The following CD99L2 variants were observed in gnomAD, a reference collection of about 807,000 sequenced individuals.
The protein encoded by CD99L2 is CD99 molecule like 2, also known as CD99 antigen-like protein 2.
CD99L2 carries 24 observed loss-of-function variants against 27.3 expected under a neutral mutation model. That is an observed-to-expected ratio of 0.88 (90% CI 0.64 to 1.24). The LOEUF (loss-of-function observed/expected upper bound fraction) is 1.24. Among genes scored for constraint, CD99L2 ranks in the 50% most tolerant of loss-of-function variants. CD99L2 has a pLI of 0.00. For synonymous variants in CD99L2, 97 were observed against 87.9 expected, an observed-to-expected ratio of 1.10 and a Z score of -0.58; for missense variants, 255 against 221.6, an observed-to-expected ratio of 1.15 and a Z score of -0.96.
At chrX:150,849,710 G>A (rs782183303) in intron 1 of CD99L2, among the ~76,000 whole-genome samples, 18 of 111,133 alleles carry the variant, frequency 1.6e-4, no homozygotes, top group Non-Finnish European at 2.3e-4. Context: ...ACAAAACACA[G>A]AATGAGCTAG....
At chrX:150,857,969 T>C (rs2046919146) in intron 1 of CD99L2, among the ~76,000 whole-genome samples, 1 of 111,900 alleles carries the variant, frequency 8.9e-6, no homozygotes, top group Admixed American at 9.5e-5. Flanking sequence ...TAAAGATACA[T>C]ATAGACTGAA....
chrX:150,820,277 A>G (rs2046225854), intron 2 of CD99L2, among the ~76,000 whole-genome samples: 1 of 110,667 alleles, frequency 9.0e-6, no homozygotes, highest in Non-Finnish European at 1.9e-5. Context: ...AAAAAAAAAA[A>G]AGATTACCTC....
At chrX:150,791,751 G>C (rs1470878319) in intron 7 of CD99L2, among the ~76,000 whole-genome samples, 2 of 110,593 alleles carry the variant, frequency 1.8e-5, no homozygotes, top group African/African-American at 6.6e-5. Flanking sequence ...GGAGGAGGAG[G>C]GCTTATAGGC....
chrX:150,791,881 CAAAT>C (rs1172398551), intron 7 of CD99L2, among the ~76,000 whole-genome samples: 2 of 111,721 alleles, frequency 1.8e-5, no homozygotes, highest in Non-Finnish European at 3.8e-5. Flanking sequence ...AAATCCATAA[CAAAT>C]AATGTATTGT....
chrX:150,803,293 CAATT>C (rs2045947506), intron 4 of CD99L2, among the ~76,000 whole-genome samples: 1 of 111,928 alleles, frequency 8.9e-6, no homozygotes, highest in Non-Finnish European at 1.9e-5. Flanking sequence ...AGACATAAAT[CAATT>C]GAGAGACATA....
intron 1 of CD99L2, among the ~76,000 whole-genome samples, chrX:150,836,986 G>GCT (rs1215769112): frequency 8.9e-6 from 1 of 112,128 alleles, no homozygotes; most frequent in Non-Finnish European, 1.9e-5. Flanking sequence ...TAAACAGATA[G>GCT]CTATATACAG....
At chrX:150,870,562 T>C (rs1050555310) in intron 1 of CD99L2, among the ~76,000 whole-genome samples, 5 of 111,985 alleles carry the variant, frequency 4.5e-5, no homozygotes, top group Non-Finnish European at 9.4e-5. Flanking sequence ...GGTATCATAC[T>C]AATCAATGCA....
At chrX:150,830,027 C>T (rs1464365227) in intron 2 of CD99L2, among the ~76,000 whole-genome samples, 2 of 109,801 alleles carry the variant, frequency 1.8e-5, no homozygotes, top group Admixed American at 9.7e-5. Context: ...TGGCGGTACG[C>T]ACCTGTAGTC....
At chrX:150,859,583 C>T (rs2046944225) in intron 1 of CD99L2, among the ~76,000 whole-genome samples, 1 of 108,713 alleles carries the variant, frequency 9.2e-6, no homozygotes, top group Non-Finnish European at 1.9e-5. Flanking sequence ...CTACAATCTC[C>T]GCCTTCCAGG....
intron 1 of CD99L2, among the ~76,000 whole-genome samples, chrX:150,849,756 C>T: frequency 9.0e-6 from 1 of 111,596 alleles, no homozygotes; most frequent in East Asian, 2.8e-4. Context: ...CCATAACCTT[C>T]TGAAGCCAGC....
At chrX:150,822,061 G>A (rs1473991861) in intron 2 of CD99L2, among the ~76,000 whole-genome samples, 5 of 112,162 alleles carry the variant, frequency 4.5e-5, no homozygotes, top group Admixed American at 9.4e-5. Flanking sequence ...AAATAAGTAC[G>A]TGTATATAGC....
intron 2 of CD99L2, among the ~76,000 whole-genome samples, chrX:150,830,686 T>C (rs1557421037): frequency 8.9e-6 from 1 of 112,043 alleles, no homozygotes; most frequent in East Asian, 2.8e-4. Context: ...GTCACACCAG[T>C]AGGGGCTATG....
chrX:150,865,121 T>C (rs1445894105), intron 1 of CD99L2, among the ~76,000 whole-genome samples: 4 of 104,377 alleles, frequency 3.8e-5, no homozygotes, highest in Non-Finnish European at 7.9e-5. Flanking sequence ...CAGGAGAAAA[T>C]TGGGAGGAAA....
intron 1 of CD99L2, among the ~76,000 whole-genome samples, chrX:150,887,328 C>T (rs1192428536): frequency 9.2e-6 from 1 of 109,205 alleles, no homozygotes; most frequent in Non-Finnish European, 1.9e-5. Flanking sequence ...TGCCTGTAAT[C>T]GCAGCTACTC....
chrX:150,809,568 T>C (rs891697794), intron 4 of CD99L2, among the ~76,000 whole-genome samples: 1 of 112,040 alleles, frequency 8.9e-6, no homozygotes, highest in Non-Finnish European at 1.9e-5. Flanking sequence ...TAAGGAAAAG[T>C]GTCATCATTC....
chrX:150,820,738 T>A (rs782290319), intron 2 of CD99L2, among the ~76,000 whole-genome samples: 78 of 111,244 alleles, frequency 7.0e-4, no homozygotes, highest in Non-Finnish European at 1.2e-3. Flanking sequence ...CTATCTCTAT[T>A]CACAGATGCT....
At chrX:150,817,300 T>C (rs934889750) in intron 2 of CD99L2, among the ~76,000 whole-genome samples, 5 of 110,797 alleles carry the variant, frequency 4.5e-5, no homozygotes, top group Non-Finnish European at 9.5e-5. Flanking sequence ...TAAGTTGTAT[T>C]ATATAAGTAA....
chrX:150,882,153 T>C (rs2047340002), intron 1 of CD99L2, among the ~76,000 whole-genome samples: 1 of 110,996 alleles, frequency 9.0e-6, no homozygotes, highest in African/African-American at 3.3e-5. Flanking sequence ...TGGCTCCTCA[T>C]ATACTCAGCA....
At chrX:150,840,360 C>A (rs1159656817) in intron 1 of CD99L2, among the ~76,000 whole-genome samples, 4 of 111,062 alleles carry the variant, frequency 3.6e-5, no homozygotes, top group African/African-American at 1.3e-4. Context: ...AGAACACATA[C>A]ATATACAGAA....
Sources: gnomAD v4.1 joint callset for allele counts (sites outside exome capture counted in the v4.1 genomes callset) on GRCh38, gnomAD v4.1.1 for gene constraint, MANE v1.5 for transcripts, NCBI Gene and HGNC (gene_info 2026-07-23, HGNC 2026-07-21) for gene names.